The following PPP1R12A variants were observed in gnomAD, a reference collection of about 807,000 sequenced individuals.
PPP1R12A encodes protein phosphatase 1 regulatory subunit 12A.
A neutral mutation model predicts 139.6 loss-of-function variants in PPP1R12A; 19 were observed. The observed-to-expected ratio is 0.14, with a 90% CI of 0.09 to 0.20. The LOEUF is 0.20. Ranked by LOEUF, PPP1R12A falls within the 10% of genes least tolerant of loss-of-function variation. The probability of loss-of-function intolerance (pLI) is 1.00; values close to 1 mark genes in which losing one functional copy is unlikely to be tolerated. For synonymous variants in PPP1R12A, 427 were observed against 420.6 expected, an observed-to-expected ratio of 1.02 and a Z score of -0.19; for missense variants, 925 against 1,211.5, an observed-to-expected ratio of 0.76 and a Z score of 3.51.
At chr12:79,867,530 G>A (rs1274034463) in intron 2 of PPP1R12A, among the ~76,000 whole-genome samples, 4 of 149,672 alleles carry the variant, frequency 2.7e-5, no homozygotes, top group Non-Finnish European at 1.5e-5. Context: ...ACTTAAACTA[G>A]AAAAAAAAAA....
chr12:79,920,984 A>T (rs757556232), intron 1 of PPP1R12A, among the ~76,000 whole-genome samples: 5 of 152,196 alleles, frequency 3.3e-5, no homozygotes, highest in Non-Finnish European at 7.3e-5. Flanking sequence ...GTAGGTGTGA[A>T]CTAGTATCTC....
chr12:79,820,534 A>C (rs1435948915), intron 8 of PPP1R12A, among the ~76,000 whole-genome samples: 2 of 151,988 alleles, frequency 1.3e-5, no homozygotes, highest in African/African-American at 2.4e-5. Flanking sequence ...AGCCTCTGCA[A>C]CTTCTTTAAA....
intron 15 of PPP1R12A, 21 bp from the exon 16 acceptor site, chr12:79,797,416 A>G: frequency 1.3e-6 from 2 of 1,551,306 alleles, no homozygotes; most frequent in Non-Finnish European, 1.7e-6. Context: ...AAAAAGATCA[A>G]TATAATTATG....
At chr12:79,805,821 A>T in intron 13 of PPP1R12A, 53 bp from the exon 14 acceptor site, 1 of 1,516,646 alleles carries the variant, frequency 6.6e-7, no homozygotes, top group Non-Finnish European at 9.0e-7. Flanking sequence ...ACAGCTAAAC[A>T]ATGAAAGCAC....
intron 3 of PPP1R12A, among the ~76,000 whole-genome samples, chr12:79,837,411 A>G (rs970322204): frequency 6.6e-6 from 1 of 152,230 alleles, no homozygotes; most frequent in Non-Finnish European, 1.5e-5. Context: ...AAGGCAATTT[A>G]TTTAAGCATA....
In PPP1R12A at chr12:79,775,717, TA is replaced by T. The variant is rs5799439; in HGVS notation, c.*211del. On this transcript the variant is annotated 3_prime_UTR_variant, in exon 25 of 25. Transcript: ENST00000450142. Reference sequence around the variant, plus strand: ...ATTAACATGAAACAATGGTCTTGATTAAAAAAAAAAAACAAAAAACAAACCA... The same window carrying T: ...ATTAACATGAAACAATGGTCTTGATTAAAAAAAAAAACAAAAAACAAACCA... 205,242 of 253,522 alleles carry T rather than the reference TA, an allele frequency of 0.81. 80,301 individuals carry two copies. The highest frequency in any genetic ancestry group is 0.96 in the African/African-American group (41,094 of 42,652). 15.7% of individuals were successfully genotyped at this position (253,522 alleles called of 1,614,324 possible).
intron 18 of PPP1R12A, among the ~76,000 whole-genome samples, chr12:79,795,337 A>G (rs1872390427): frequency 6.6e-6 from 1 of 152,114 alleles, no homozygotes; most frequent in Non-Finnish European, 1.5e-5. Context: ...TTCTTAAAAG[A>G]TGTTTTTACA....
At chr12:79,814,378 G>A (rs1397317244) in intron 9 of PPP1R12A, among the ~76,000 whole-genome samples, 2 of 150,420 alleles carry the variant, frequency 1.3e-5, no homozygotes, top group East Asian at 4.0e-4. Context: ...TTGGGAGGCT[G>A]AGGCAGGAGA....
At position 79,935,089 on chromosome 12, in the gene PPP1R12A, C is replaced by T. The variant is rs905578377; in HGVS notation, c.-158G>A. The T allele has an allele frequency of 2.9e-6, 4 of 1,393,394 alleles. No homozygotes were observed. The African/African-American group carries it at 5.9e-5, about 20-fold the overall frequency. 86.3% of individuals were successfully genotyped at this position (1,393,394 alleles called of 1,614,324 possible). ...GACGCTCGAGACTTCCAGTATCCCA[C>T]AGAGCACTGGGGCGGCGCACCCGGC... On this transcript the variant is annotated 5_prime_UTR_variant, in exon 1 of 25. In the 5' UTR this introduces an upstream ATG that the reference lacks. Transcript: ENST00000450142.
chr12:79,899,243 T>C (rs1468270669), intron 1 of PPP1R12A, among the ~76,000 whole-genome samples: 2 of 900 alleles, frequency 2.2e-3, no homozygotes, highest in South Asian at 0.016. Flanking sequence ...AATATATATA[T>C]ATATATATAT....
At chr12:79,877,760 C>T (rs1200501237) in intron 1 of PPP1R12A, among the ~76,000 whole-genome samples, 1 of 152,164 alleles carries the variant, frequency 6.6e-6, no homozygotes, top group African/African-American at 2.4e-5. Context: ...AAGTGATCCA[C>T]TCACCTTGGC....
chr12:79,813,179 T>TA (rs1375533440), intron 9 of PPP1R12A, among the ~76,000 whole-genome samples: 1 of 152,208 alleles, frequency 6.6e-6, no homozygotes, highest in African/African-American at 2.4e-5. Context: ...GTTTACTTTG[T>TA]ATATATGCAC....
At chr12:79,870,719 C>T (rs1402584742) in intron 2 of PPP1R12A, among the ~76,000 whole-genome samples, 1 of 152,122 alleles carries the variant, frequency 6.6e-6, no homozygotes, top group East Asian at 1.9e-4. Flanking sequence ...TTCCATATCC[C>T]ACCCTCCAAA....
intron 1 of PPP1R12A, among the ~76,000 whole-genome samples, chr12:79,894,555 C>T (rs542016222): frequency 1.3e-5 from 2 of 152,126 alleles, no homozygotes; most frequent in Non-Finnish European, 2.9e-5. Context: ...TCTAGTTTCA[C>T]TTAAACATAC....
intron 2 of PPP1R12A, among the ~76,000 whole-genome samples, chr12:79,866,117 C>G (rs1367846587): frequency 1.2e-4 from 19 of 152,272 alleles, no homozygotes; most frequent in Non-Finnish European, 2.5e-4. Context: ...GGTACCAAAA[C>G]AGATATACAG....
Position 79,857,146 on chromosome 12 carries a change from G to A in PPP1R12A, c.369-11726C>T, listed in dbSNP as rs1303428011. 3.3e-5 allele frequency among the ~76,000 whole-genome samples: 5 copies of A among 152,094 alleles called. No homozygotes were observed. The South Asian group carries it at 6.2e-4, about 19-fold the overall frequency. On this transcript the variant is annotated intron_variant, in intron 2 of 24. Coordinates refer to ENST00000450142, the MANE Select transcript of PPP1R12A (RefSeq NM_002480.3). ...ACACATGCACACGTATGTTTATTGC[G>A]GCATTATTCACAATAGCAAAGGCTT... is the stretch of plus-strand genomic sequence containing the variant.
At chr12:79,908,287 ACT>A (rs1443533584) in intron 1 of PPP1R12A, among the ~76,000 whole-genome samples, 1 of 152,202 alleles carries the variant, frequency 6.6e-6, no homozygotes, top group Non-Finnish European at 1.5e-5. Context: ...CAAAGAACAC[ACT>A]GTTTGTAGTA....
chr12:79,879,042 CAAG>C lies in PPP1R12A; in HGVS notation c.238-6107_238-6105del, dbSNP rs575623273. On this transcript the variant is annotated intron_variant, in intron 1 of 24. Coordinates refer to ENST00000450142, the MANE Select transcript of PPP1R12A (RefSeq NM_002480.3). ...TGAATAGTGTTTCAAGTAAAAAATTCAAGAAGTTCTTTCTTACATAAAAAGCAT... is the reference window on the plus strand; with the variant it reads ...TGAATAGTGTTTCAAGTAAAAAATTCAAGTTCTTTCTTACATAAAAAGCAT... 2.1e-4 allele frequency among the ~76,000 whole-genome samples: 32 copies of C among 152,148 alleles called. No homozygotes were observed. In the South Asian group the frequency reaches 6.7e-3, roughly 32 times the overall value.
intron 9 of PPP1R12A, among the ~76,000 whole-genome samples, chr12:79,812,685 C>T (rs570148640): frequency 6.6e-6 from 1 of 150,664 alleles, no homozygotes; most frequent in South Asian, 2.1e-4. Context: ...TTCTACCACA[C>T]TATTCTAGAG....
Sources: allele counts gnomAD v4.1 joint callset (sites outside exome capture counted in the v4.1 genomes callset), GRCh38; gene constraint gnomAD v4.1.1; transcripts MANE v1.5; gene names NCBI Gene and HGNC (gene_info 2026-07-23, HGNC 2026-07-21).